Variants in TEC observed in about 807,000 individuals in gnomAD.
TEC encodes the protein tec protein tyrosine kinase, also known as tyrosine-protein kinase Tec.
Under a neutral mutation model 93.0 loss-of-function variants are expected in TEC, and 72 were observed. The ratio of observed to expected loss-of-function variants is 0.77; its 90% CI spans 0.64 to 0.94. TEC has a LOEUF of 0.94. Among genes scored for constraint, TEC ranks in the 40% least tolerant of loss-of-function variants. TEC has a pLI of 0.00. For synonymous variants in TEC, 249 were observed against 247.7 expected, an observed-to-expected ratio of 1.01 and a Z score of -0.05; for missense variants, 630 against 757.9, an observed-to-expected ratio of 0.83 and a Z score of 1.98.
In TEC at chr4:48,137,428, A is replaced by C; in HGVS notation, c.1884T>G (p.Thr628=). 6.2e-7 allele frequency: 1 copy of C among 1,614,042 alleles called. No homozygotes were observed. The highest frequency in any genetic ancestry group is 8.5e-7 in the Non-Finnish European group (1 of 1,179,956). The part of the protein sequence containing the change: ...TIDELVECEE[T]FGR The stretch of plus-strand genomic sequence containing the variant: ...GGTCACACATCACTTATCTTCCAAA[A>C]GTTTCTTCACATTCAACTAGTTCAT... The change falls in exon 18 of 18, where the codon ACT becomes ACG. Residue 628 remains threonine, a synonymous_variant. Coordinates refer to ENST00000381501, the MANE Select transcript of TEC (RefSeq NM_003215.3).
At position 48,246,901 on chromosome 4, in the gene TEC, T is replaced by C. The variant is rs1301264077; in HGVS notation, c.-45-18242A>G. On this transcript the variant is annotated intron_variant, in intron 1 of 17. Coordinates refer to ENST00000381501, the MANE Select transcript of TEC (RefSeq NM_003215.3). ...AAGCAAGAAAAGAAAAATAGGTAAG[T>C]AGGACTTCATCAACTTAAAAATTTT... is the stretch of plus-strand genomic sequence containing the variant. Among the ~76,000 whole-genome samples, 4 of 152,186 alleles carry C rather than the reference T, an allele frequency of 2.6e-5. No homozygotes were observed. The South Asian group carries it at 6.2e-4, about 24-fold the overall frequency.
At chr4:48,193,466 A>C (rs1274999635) in intron 2 of TEC, among the ~76,000 whole-genome samples, 5 of 152,074 alleles carry the variant, frequency 3.3e-5, no homozygotes, top group African/African-American at 4.8e-5. Flanking sequence ...ATTCCATCAA[A>C]GTGTACTGCT....
At chr4:48,179,346 A>G in intron 2 of TEC, among the ~76,000 whole-genome samples, 1 of 25,508 alleles carries the variant, frequency 3.9e-5, no homozygotes, top group East Asian at 2.3e-3. Context: ...TAGTATATAT[A>G]TATATATATA....
chr4:48,143,355 A>G (rs190013969), intron 14 of TEC, among the ~76,000 whole-genome samples: 107 of 152,332 alleles, frequency 7.0e-4, no homozygotes, highest in African/African-American at 2.4e-3. Context: ...GTAATCTGCC[A>G]CACCCACGTA....
At chr4:48,139,550 T>C (rs1197343623) in intron 15 of TEC, among the ~76,000 whole-genome samples, 1 of 152,198 alleles carries the variant, frequency 6.6e-6, no homozygotes, top group Admixed American at 6.5e-5. Context: ...ATGTAAATGG[T>C]GGAGTATGTA....
At chr4:48,153,818 C>T (rs1720285355) in intron 9 of TEC, among the ~76,000 whole-genome samples, 1 of 152,158 alleles carries the variant, frequency 6.6e-6, no homozygotes, top group Non-Finnish European at 1.5e-5. Context: ...TGCAGCAACG[C>T]CTTCATAATG....
chr4:48,242,792 C>T (rs1723954681), intron 1 of TEC, among the ~76,000 whole-genome samples: 2 of 152,118 alleles, frequency 1.3e-5, no homozygotes, highest in Admixed American at 1.3e-4. Flanking sequence ...TTTAATATGA[C>T]AAGTTTTTAT....
At chr4:48,158,392 G>A (rs1487357751) in intron 8 of TEC, among the ~76,000 whole-genome samples, 1 of 152,128 alleles carries the variant, frequency 6.6e-6, no homozygotes, top group Admixed American at 6.5e-5. Flanking sequence ...TATAAAATGA[G>A]ACCAAGTTCA....
chr4:48,146,270 A>T, intron 12 of TEC, 55 bp downstream of exon 12: 1 of 1,530,584 alleles, frequency 6.5e-7, no homozygotes, highest in South Asian at 1.1e-5. Context: ...TTATCTTATG[A>T]CAATGGATTC....
intron 14 of TEC, among the ~76,000 whole-genome samples, chr4:48,141,882 C>T (rs1719687891): frequency 6.6e-6 from 1 of 151,982 alleles, no homozygotes; most frequent in Non-Finnish European, 1.5e-5. Context: ...TGGTCTTGAA[C>T]TCCTGACCTC....
chr4:48,212,110 A>AAAAAAAAATATATATATAT, intron 2 of TEC, among the ~76,000 whole-genome samples: 1 of 122,266 alleles, frequency 8.2e-6, no homozygotes, highest in African/African-American at 3.0e-5. Context: ...AAAAAAAAAA[A>AAAAAAAAATATATATATAT]ATATATATAT....
intron 1 of TEC, among the ~76,000 whole-genome samples, chr4:48,243,424 G>T (rs1199008698): frequency 6.6e-6 from 1 of 152,154 alleles, no homozygotes; most frequent in Non-Finnish European, 1.5e-5. Flanking sequence ...CTAAAGGATT[G>T]TCCTGAGAAG....
At chr4:48,186,816 G>A (rs1721887613) in intron 2 of TEC, among the ~76,000 whole-genome samples, 1 of 150,726 alleles carries the variant, frequency 6.6e-6, no homozygotes, top group African/African-American at 2.4e-5. Flanking sequence ...GGGAGGTTGG[G>A]GGGCGCCTCC....
At chr4:48,173,442 A>G (rs1721196951) in intron 3 of TEC, among the ~76,000 whole-genome samples, 1 of 109,332 alleles carries the variant, frequency 9.1e-6, no homozygotes, top group Non-Finnish European at 2.0e-5. Flanking sequence ...CAGGCTGAAG[A>G]GGTATTTGTG....
At chr4:48,168,007 T>C in intron 6 of TEC, 54 bp from the exon 7 acceptor site, 3 of 1,544,592 alleles carry the variant, frequency 1.9e-6, no homozygotes, top group Non-Finnish European at 2.7e-6. Context: ...AAACTGATCA[T>C]GAATCAAAAC....
chr4:48,203,963 C>G (rs1215644365), intron 2 of TEC, among the ~76,000 whole-genome samples: 6 of 152,198 alleles, frequency 3.9e-5, no homozygotes, highest in Non-Finnish European at 7.3e-5. Context: ...CATATCAAGT[C>G]CTGTGCAGGC....
intron 1 of TEC, among the ~76,000 whole-genome samples, chr4:48,251,995 C>T (rs905893334): frequency 6.6e-6 from 1 of 152,066 alleles, no homozygotes; most frequent in Non-Finnish European, 1.5e-5. Context: ...AGAGAAAAGA[C>T]CAACTGATTC....
intron 14 of TEC, among the ~76,000 whole-genome samples, chr4:48,142,668 A>G (rs1175889794): frequency 6.6e-6 from 1 of 151,796 alleles, no homozygotes; most frequent in East Asian, 1.9e-4. Context: ...GAAGACAAGA[A>G]TTTTTTTTTA....
In TEC at chr4:48,156,698, C is replaced by T. The variant is rs757195622; in HGVS notation, c.774G>A (p.Glu258=). 4 of 1,612,018 alleles carry T rather than the reference C, an allele frequency of 2.5e-6. No individual in the cohort carries two copies. The highest frequency in any genetic ancestry group is 2.2e-5 in the South Asian group (2 of 90,556). Residue 258 remains glutamate, a synonymous_variant, in exon 9 of 18, where the codon GAG becomes GAA. Transcript: ENST00000381501. The part of the protein sequence containing the change: ...YCRNMNRSKA[E]QLLRSEDKEG... ...CACTTACTTCACTGCGGAGGAGTTG[C>T]TCTGCCTTGCTTCTATTCATATTTC...
Sources: allele counts gnomAD v4.1 joint callset (sites outside exome capture counted in the v4.1 genomes callset), GRCh38; gene constraint gnomAD v4.1.1; transcripts MANE v1.5; gene names NCBI Gene and HGNC (gene_info 2026-07-23, HGNC 2026-07-21).